The following TENM1 variants were observed in gnomAD, a reference collection of about 807,000 sequenced individuals.
TENM1 encodes the protein teneurin transmembrane protein 1.
In TENM1, 35 loss-of-function variants were observed where a neutral mutation model predicts 174.8. The observed-to-expected ratio is 0.20, with a 90% confidence interval of 0.15 to 0.27. The LOEUF (loss-of-function observed/expected upper bound fraction) is 0.27, where lower values mean the gene tolerates loss of function less well. TENM1 is among the 10% of genes least tolerant of loss of function. The pLI is 1.00. For missense variants in TENM1, 1,633 were observed against 2,130.1 expected, an observed-to-expected ratio of 0.77 and a Z score of 4.59; for synonymous variants, 781 against 798.7, an observed-to-expected ratio of 0.98 and a Z score of 0.37.
chrX:125,152,248 T>TC, the TENM1 span, among the ~76,000 whole-genome samples: 4,265 of 99,273 alleles, frequency 0.043, 244 homozygotes, highest in African/African-American at 0.15. Flanking sequence ...AGACTTTGTA[T>TC]TTTTAAAAAA....
chrX:124,581,687 C>T (rs1410045126), intron 11 of TENM1, among the ~76,000 whole-genome samples: 3 of 106,598 alleles, frequency 2.8e-5, no homozygotes, highest in African/African-American at 6.8e-5. Flanking sequence ...TTCTTCACAG[C>T]CTCACTAGCA....
intron 3 of TENM1, among the ~76,000 whole-genome samples, chrX:124,802,117 G>A (rs2055469064): frequency 9.0e-6 from 1 of 111,722 alleles, no homozygotes; most frequent in African/African-American, 3.3e-5. Context: ...CTGTCAATTT[G>A]CCCATCTCAT....
the TENM1 span, among the ~76,000 whole-genome samples, chrX:125,099,759 C>T: frequency 1.8e-5 from 2 of 111,905 alleles, no homozygotes; most frequent in African/African-American, 3.2e-5. Flanking sequence ...CCATAAACAA[C>T]TCATAAATAC....
At chrX:124,803,734 G>A (rs1312749987) in intron 3 of TENM1, among the ~76,000 whole-genome samples, 3 of 111,891 alleles carry the variant, frequency 2.7e-5, no homozygotes, top group African/African-American at 9.8e-5. Context: ...TTCCTTACAC[G>A]GAGTAAGAAA....
the TENM1 span, among the ~76,000 whole-genome samples, chrX:125,184,444 A>T: frequency 2.7e-5 from 3 of 111,765 alleles, no homozygotes; most frequent in Admixed American, 2.9e-4. Context: ...TTCCTATAGT[A>T]ATCTGAACTT....
At chrX:124,700,086 GT>G (rs1484214563) in intron 5 of TENM1, among the ~76,000 whole-genome samples, 1 of 112,190 alleles carries the variant, frequency 8.9e-6, no homozygotes, top group African/African-American at 3.2e-5. Context: ...TTTCTTGAAT[GT>G]TATAAGCTGT....
chrX:125,095,585 T>C, the TENM1 span, among the ~76,000 whole-genome samples: 4 of 112,294 alleles, frequency 3.6e-5, no homozygotes, highest in South Asian at 1.5e-3. Context: ...TTTAAAAGTA[T>C]CTATTATTTT....
chrX:125,161,023 G>A, the TENM1 span, among the ~76,000 whole-genome samples: 4 of 73,511 alleles, frequency 5.4e-5, no homozygotes, highest in East Asian at 1.2e-3. Context: ...TTGGCCTTTC[G>A]ACAATGGCCA....
At chrX:125,091,146 C>A in the TENM1 span, among the ~76,000 whole-genome samples, 1 of 103,846 alleles carries the variant, frequency 9.6e-6, no homozygotes, top group South Asian at 4.3e-4. Context: ...GGACCTGCAA[C>A]AAGAAAGTAG....
intron 3 of TENM1, among the ~76,000 whole-genome samples, chrX:124,763,393 T>C (rs924709565): frequency 6.3e-5 from 7 of 111,707 alleles, no homozygotes; most frequent in African/African-American, 2.3e-4. Context: ...TTTAATTTTC[T>C]AAACAAACAT....
chrX:125,051,309 C>G, the TENM1 span, among the ~76,000 whole-genome samples: 1 of 110,772 alleles, frequency 9.0e-6, no homozygotes, highest in Admixed American at 9.6e-5. Flanking sequence ...CATCAAGCTA[C>G]CAATGACTTT....
chrX:124,539,216 A>T (rs1398779981), intron 15 of TENM1, among the ~76,000 whole-genome samples: 1 of 111,778 alleles, frequency 8.9e-6, no homozygotes, highest in East Asian at 2.8e-4. Flanking sequence ...AATCTATTGC[A>T]TAGGGGTCCA....
chrX:124,795,416 G>C (rs1252827096), intron 3 of TENM1, among the ~76,000 whole-genome samples: 1 of 112,386 alleles, frequency 8.9e-6, no homozygotes, highest in Non-Finnish European at 1.9e-5. Context: ...TTGCTGCAAT[G>C]TATAAGACTA....
At chrX:124,736,894 C>T in intron 4 of TENM1, 63 bp downstream of exon 7, 13 of 1,134,521 alleles carry the variant, frequency 1.1e-5, no homozygotes, top group Non-Finnish European at 1.5e-5. Flanking sequence ...TGAGTTTCTG[C>T]AATCAGTAGA....
At chrX:124,784,558 T>C (rs1168329896) in intron 3 of TENM1, among the ~76,000 whole-genome samples, 1 of 111,602 alleles carries the variant, frequency 9.0e-6, no homozygotes, top group African/African-American at 3.3e-5. Flanking sequence ...AAGGCTCCTG[T>C]GGCAGTTATA....
chrX:124,722,931 T>C (rs1278127780), intron 4 of TENM1, among the ~76,000 whole-genome samples: 1 of 110,222 alleles, frequency 9.1e-6, no homozygotes, highest in African/African-American at 3.3e-5. Context: ...TATGGGATCA[T>C]GTTGTTTTCT....
At chrX:124,600,675 T>C (rs1243421633) in intron 11 of TENM1, among the ~76,000 whole-genome samples, 2 of 111,660 alleles carry the variant, frequency 1.8e-5, no homozygotes, top group Non-Finnish European at 3.8e-5. Context: ...GCCAAAGATG[T>C]ACAACCCAAA....
rs187310357 is a variant in TENM1 at position 124,393,760 on chromosome X, C to T, written c.5392-1412G>A. On this transcript the variant is annotated intron_variant, in intron 27 of 31. Coordinates refer to ENST00000422452, the Ensembl canonical transcript of TENM1. ...TGGGTGGAGAGAGTCCTAGTGTATCCGGCAGGAACAAAAACAAGAATGAAA... is the reference window on the plus strand; with the variant it reads ...TGGGTGGAGAGAGTCCTAGTGTATCTGGCAGGAACAAAAACAAGAATGAAA... Among the ~76,000 whole-genome samples, 35 of 110,978 alleles carry T rather than the reference C, an allele frequency of 3.2e-4. No homozygotes were observed. The East Asian group carries it at 3.7e-3, about 12-fold the overall frequency.
At chrX:124,959,053 T>G (rs1182266149) in intron 1 of TENM1, among the ~76,000 whole-genome samples, 1 of 111,674 alleles carries the variant, frequency 9.0e-6, no homozygotes, top group Non-Finnish European at 1.9e-5. Flanking sequence ...TTTGAGATCT[T>G]CTTCCTTTAA....
Sources: allele counts gnomAD v4.1 joint callset (sites outside exome capture counted in the v4.1 genomes callset), GRCh38; gene constraint gnomAD v4.1.1; transcripts MANE v1.5; gene names NCBI Gene and HGNC (gene_info 2026-07-23, HGNC 2026-07-21).